The following AGTPBP1 variants were observed in gnomAD, a reference collection of about 807,000 sequenced individuals.
AGTPBP1 encodes the protein ATP/GTP binding carboxypeptidase 1, also known as cytosolic carboxypeptidase 1.
In AGTPBP1, 70 loss-of-function variants were observed where a neutral mutation model predicts 143.9. That is an observed-to-expected ratio of 0.49 (90% CI 0.40 to 0.59). AGTPBP1 has a LOEUF of 0.59. Ranked by LOEUF, AGTPBP1 falls within the 20% of genes least tolerant of loss-of-function variation. The pLI is 0.00. For synonymous variants in AGTPBP1, 463 were observed against 500.2 expected (o/e 0.93, Z 0.99); for missense variants, 1,229 against 1,464.5 (o/e 0.84, Z 2.62).
At chr9:85,786,608 T>C in the AGTPBP1 span, 1 of 1,575,508 alleles carries the variant, frequency 6.3e-7, no homozygotes, top group South Asian at 1.2e-5. Flanking sequence ...TTTTAGTAGA[T>C]ATGTAAAAAG....
chr9:85,803,336 C>T, the AGTPBP1 span, among the ~76,000 whole-genome samples: 8,874 of 152,232 alleles, frequency 0.058, 843 homozygotes, highest in African/African-American at 0.2. Context: ...CTTCCAGCCC[C>T]GTTTTTGTGA....
intron 6 of AGTPBP1, among the ~76,000 whole-genome samples, chr9:85,673,612 C>T (rs1043246420): frequency 6.6e-6 from 1 of 151,894 alleles, no homozygotes; most frequent in Non-Finnish European, 1.5e-5. Flanking sequence ...ATAAGAAGAA[C>T]TTAAGAATGT....
At chr9:85,751,627 T>C in the AGTPBP1 span, among the ~76,000 whole-genome samples, 2 of 152,112 alleles carry the variant, frequency 1.3e-5, no homozygotes, top group Non-Finnish European at 2.9e-5. Context: ...TGTTTTGTTT[T>C]GTTTTGAGAC....
chr9:85,750,824 C>T, the AGTPBP1 span, among the ~76,000 whole-genome samples: 2 of 152,314 alleles, frequency 1.3e-5, no homozygotes, highest in East Asian at 3.9e-4. Flanking sequence ...CATCTCATCT[C>T]CCACTAGCAT....
At chr9:85,554,762 G>A (rs1405510697) in intron 25 of AGTPBP1, among the ~76,000 whole-genome samples, 5 of 152,150 alleles carry the variant, frequency 3.3e-5, no homozygotes, top group Admixed American at 2.0e-4. Context: ...AACAGAAACA[G>A]ACCCAAAGGT....
intron 7 of AGTPBP1, among the ~76,000 whole-genome samples, chr9:85,671,447 T>C (rs1200324993): frequency 6.6e-6 from 1 of 152,184 alleles, no homozygotes; most frequent in African/African-American, 2.4e-5. Flanking sequence ...TATTTAAGTG[T>C]TCTAAGCTGT....
chr9:85,700,441 A>G (rs146844671), intron 2 of AGTPBP1, among the ~76,000 whole-genome samples: 1 of 152,324 alleles, frequency 6.6e-6, no homozygotes, highest in East Asian at 1.9e-4. Context: ...TGGAAATGAC[A>G]AATATCACTT....
the AGTPBP1 span, among the ~76,000 whole-genome samples, chr9:85,787,685 T>G: frequency 6.6e-6 from 1 of 152,242 alleles, no homozygotes; most frequent in Non-Finnish European, 1.5e-5. Context: ...ACATCCATTG[T>G]AATGACCTGA....
the AGTPBP1 span, among the ~76,000 whole-genome samples, chr9:85,763,818 A>G: frequency 2.6e-4 from 40 of 152,100 alleles, no homozygotes; most frequent in African/African-American, 9.2e-4. Flanking sequence ...GGGGAGGGGA[A>G]TGCTTTTTTA....
At chr9:85,704,760 C>A (rs1036305955) in intron 2 of AGTPBP1, among the ~76,000 whole-genome samples, 3 of 151,928 alleles carry the variant, frequency 2.0e-5, no homozygotes, top group Non-Finnish European at 4.4e-5. Flanking sequence ...ATAATGGGAA[C>A]AATCAAAATG....
intron 1 of AGTPBP1, among the ~76,000 whole-genome samples, chr9:85,725,560 C>G (rs933220109): frequency 6.6e-6 from 1 of 151,988 alleles, no homozygotes; most frequent in African/African-American, 2.4e-5. Context: ...CGCCAACTAC[C>G]TGATATAAGC....
intron 17 of AGTPBP1, among the ~76,000 whole-genome samples, chr9:85,606,985 C>T (rs1830030888): frequency 6.6e-6 from 1 of 151,804 alleles, no homozygotes; most frequent in Non-Finnish European, 1.5e-5. Flanking sequence ...TTTTAATGTT[C>T]TATAGCAGAG....
At chr9:85,796,065 C>T in the AGTPBP1 span, among the ~76,000 whole-genome samples, 5,893 of 151,736 alleles carry the variant, frequency 0.039, 273 homozygotes, top group East Asian at 0.21. Flanking sequence ...AATTGAGGTA[C>T]CAGAGGGTAC....
intron 1 of AGTPBP1, among the ~76,000 whole-genome samples, chr9:85,719,192 A>G (rs552963101): frequency 6.6e-6 from 1 of 152,226 alleles, no homozygotes; most frequent in South Asian, 2.1e-4. Flanking sequence ...GTTTTTTCCA[A>G]TTCTGTGAAG....
chr9:85,787,095 CA>C, the AGTPBP1 span, among the ~76,000 whole-genome samples: 3 of 152,168 alleles, frequency 2.0e-5, no homozygotes, highest in African/African-American at 7.2e-5. Context: ...GGCTCATTTA[CA>C]GTCCTCAGAG....
chr9:85,672,813 C>A (rs1024543711), intron 6 of AGTPBP1, 132 bp from the exon 7 acceptor site: 1 of 594,068 alleles, frequency 1.7e-6, no homozygotes, highest in Non-Finnish European at 2.7e-6. Flanking sequence ...CAGCTCACTG[C>A]AACCTCTGGC....
At chr9:85,660,214 T>A (rs1329307807) in intron 9 of AGTPBP1, among the ~76,000 whole-genome samples, 2 of 151,956 alleles carry the variant, frequency 1.3e-5, no homozygotes, top group Non-Finnish European at 2.9e-5. Flanking sequence ...TGGGGACATA[T>A]AAAAGCCACC....
the AGTPBP1 span, among the ~76,000 whole-genome samples, chr9:85,784,977 G>A: frequency 6.6e-6 from 1 of 152,322 alleles, no homozygotes; most frequent in East Asian, 1.9e-4. Context: ...AGCAAACCAT[G>A]TCTATGGGCC....
At chr9:85,649,340 T>C (rs1041493462) in intron 11 of AGTPBP1, among the ~76,000 whole-genome samples, 2 of 152,202 alleles carry the variant, frequency 1.3e-5, no homozygotes, top group African/African-American at 4.8e-5. Flanking sequence ...ATAAATGTGA[T>C]CTACTTTCCC....
Sources: allele counts gnomAD v4.1 joint callset (sites outside exome capture counted in the v4.1 genomes callset), GRCh38; gene constraint gnomAD v4.1.1; transcripts MANE v1.5; gene names NCBI Gene and HGNC (gene_info 2026-07-23, HGNC 2026-07-21).